Variants in KYAT3 observed in about 807,000 individuals in gnomAD.
The protein encoded by KYAT3 is kynurenine--oxoglutarate transaminase 3.
A neutral mutation model predicts 59.0 loss-of-function variants in KYAT3; 50 were observed. The ratio of observed to expected loss-of-function variants is 0.85; its 90% CI spans 0.68 to 1.07. The LOEUF (loss-of-function observed/expected upper bound fraction) is 1.07, where lower values mean the gene tolerates loss of function less well. KYAT3 is among the 50% of genes least tolerant of loss of function. The pLI, the probability that KYAT3 is intolerant of heterozygous loss-of-function variation, is 0.00. For synonymous variants in KYAT3, 148 were observed against 177.0 expected (o/e 0.84, Z 1.30); for missense variants, 497 against 533.3 (o/e 0.93, Z 0.67).
chr1:88,959,158 T>C (rs1570797262), intron 8 of KYAT3, among the ~76,000 whole-genome samples: 2 of 151,562 alleles, frequency 1.3e-5, no homozygotes, highest in South Asian at 4.2e-4. Context: ...TGCAGACTTG[T>C]AGTCATAGCT....
At chr1:88,976,583 GTTATT>G (rs1294886532) in intron 2 of KYAT3, among the ~76,000 whole-genome samples, 2 of 152,084 alleles carry the variant, frequency 1.3e-5, no homozygotes, top group Non-Finnish European at 2.9e-5. Flanking sequence ...ACCTTTTATT[GTTATT>G]TTAGAGTGTA....
At chr1:88,930,912 G>C (rs746739164), downstream of KYAT3, among the ~76,000 whole-genome samples, 23 of 152,076 alleles carry the variant, frequency 1.5e-4, 1 homozygote, top group Admixed American at 5.9e-4. Flanking sequence ...GAAGCCAAAA[G>C]AGCCGCAAGG....
chr1:88,946,965 T>C (rs1217804120), intron 11 of KYAT3, among the ~76,000 whole-genome samples: 5 of 152,238 alleles, frequency 3.3e-5, no homozygotes, highest in African/African-American at 7.2e-5. Context: ...ATTGTGAATA[T>C]AAGTTGGTCT....
chr1:88,974,743 A>G (rs1421949746), intron 2 of KYAT3, among the ~76,000 whole-genome samples: 1 of 152,092 alleles, frequency 6.6e-6, no homozygotes, highest in Non-Finnish European at 1.5e-5. Context: ...ATTCAGTAAA[A>G]ATGCACCAAT....
chr1:88,973,637 A>G (rs1203902428), intron 2 of KYAT3, among the ~76,000 whole-genome samples: 1 of 152,238 alleles, frequency 6.6e-6, no homozygotes, highest in East Asian at 1.9e-4. Context: ...CAAAACTGCT[A>G]GTGAAATCAA....
At chr1:88,954,858 C>T (rs537108039) in intron 9 of KYAT3, among the ~76,000 whole-genome samples, 44 of 152,288 alleles carry the variant, frequency 2.9e-4, no homozygotes, top group African/African-American at 8.7e-4. Flanking sequence ...ACTTCCTGAG[C>T]GCAAGTGATC....
intron 13 of KYAT3, among the ~76,000 whole-genome samples, chr1:88,936,953 T>C (rs1675060536): frequency 6.6e-6 from 1 of 152,198 alleles, no homozygotes; most frequent in African/African-American, 2.4e-5. Flanking sequence ...TTGGCAACCC[T>C]AGTGCAGGAC....
intron 2 of KYAT3, chr1:88,980,408 A>G (rs933896099): frequency 2.6e-5 from 4 of 151,196 alleles, no homozygotes; most frequent in Non-Finnish European, 4.4e-5. Flanking sequence ...TAACAAAATT[A>G]TCTCATAGAT....
intron 2 of KYAT3, among the ~76,000 whole-genome samples, chr1:88,977,416 G>A (rs1431628960): frequency 2.0e-5 from 3 of 152,168 alleles, no homozygotes; most frequent in Non-Finnish European, 2.9e-5. Context: ...TGGCCAGGCT[G>A]GTCTCGAACT....
intron 8 of KYAT3, among the ~76,000 whole-genome samples, chr1:88,959,396 G>A (rs1362016023): frequency 6.6e-6 from 1 of 151,792 alleles, no homozygotes; most frequent in Non-Finnish European, 1.5e-5. Context: ...GGCCAACACG[G>A]TGAAACCCCA....
chr1:88,963,226 G>A (rs1676217977), intron 5 of KYAT3, among the ~76,000 whole-genome samples: 1 of 152,072 alleles, frequency 6.6e-6, no homozygotes, highest in Admixed American at 6.6e-5. Flanking sequence ...GTTGATGAAG[G>A]AAGAAAGAAT....
chr1:88,941,804 A>C (rs1675245693), intron 13 of KYAT3, among the ~76,000 whole-genome samples: 1 of 152,176 alleles, frequency 6.6e-6, no homozygotes, highest in African/African-American at 2.4e-5. Context: ...TTGGTCTCCC[A>C]ACATGTTGGG....
chr1:88,955,041 C>T, intron 9 of KYAT3, 108 bp downstream of exon 9: 1 of 726,096 alleles, frequency 1.4e-6, no homozygotes, highest in Non-Finnish European at 2.4e-6. Flanking sequence ...GCTGGGATTA[C>T]AGGCATGAGC....
chr1:88,948,255 C>G (rs1283394547), intron 11 of KYAT3, among the ~76,000 whole-genome samples: 1 of 152,130 alleles, frequency 6.6e-6, no homozygotes, highest in Non-Finnish European at 1.5e-5. Flanking sequence ...TAAAACACTT[C>G]AGTTTTTCAA....
chr1:88,932,966 A>G (rs1674938486), downstream of KYAT3, among the ~76,000 whole-genome samples: 1 of 152,144 alleles, frequency 6.6e-6, no homozygotes, highest in South Asian at 2.1e-4. Context: ...TTACTCATCA[A>G]AAATGCCAGG....
chr1:88,933,383 G>T (rs1180095789), downstream of KYAT3, among the ~76,000 whole-genome samples: 2 of 151,984 alleles, frequency 1.3e-5, no homozygotes, highest in Non-Finnish European at 2.9e-5. Context: ...AGGAAAAAGG[G>T]AAAAGAGAGG....
chr1:88,969,218 G>A (rs1214968384), intron 3 of KYAT3, among the ~76,000 whole-genome samples, 191 bp downstream of exon 3: 1 of 152,118 alleles, frequency 6.6e-6, no homozygotes, highest in Admixed American at 6.5e-5. Context: ...TCCAGCAAAG[G>A]GCATGGCACA....
chr1:88,939,085 T>C (rs1044188048), intron 13 of KYAT3, among the ~76,000 whole-genome samples: 1 of 152,208 alleles, frequency 6.6e-6, no homozygotes, highest in African/African-American at 2.4e-5. Context: ...TATGAAACTT[T>C]TAGTTGTTTT....
chr1:88,923,538 C>G, the KYAT3 span: 1 of 161,784 alleles, frequency 6.2e-6, no homozygotes, highest in African/African-American at 2.4e-5. Flanking sequence ...CATTCTTTTC[C>G]TTGCTTTTCT....
Sources: gnomAD v4.1 joint callset for allele counts (sites outside exome capture counted in the v4.1 genomes callset) on GRCh38, gnomAD v4.1.1 for gene constraint, MANE v1.5 for transcripts, NCBI Gene and HGNC (gene_info 2026-07-23, HGNC 2026-07-21) for gene names.